The following CADPS variants were observed in gnomAD, a reference collection of about 807,000 sequenced individuals.
The protein encoded by CADPS is calcium-dependent secretion activator 1.
Under a neutral mutation model 167.3 loss-of-function variants are expected in CADPS, and 57 were observed. The observed-to-expected ratio is 0.34, with a 90% confidence interval of 0.28 to 0.42. The LOEUF (loss-of-function observed/expected upper bound fraction) is 0.42. Among genes scored for constraint, CADPS ranks in the 20% least tolerant of loss-of-function variants. CADPS has a pLI of 1.00. For missense variants in CADPS, 1,414 were observed against 1,738.1 expected (o/e 0.81, Z 3.32); for synonymous variants, 676 against 635.3 (o/e 1.06, Z -0.96).
At chr3:62,859,974 C>T (rs1204705770) in intron 1 of CADPS, among the ~76,000 whole-genome samples, 1 of 152,120 alleles carries the variant, frequency 6.6e-6, no homozygotes, top group Non-Finnish European at 1.5e-5. Flanking sequence ...TGGAGCTACT[C>T]AGAGGTACAG....
chr3:62,405,875 G>A (rs962791528), intron 28 of CADPS, among the ~76,000 whole-genome samples: 2 of 152,336 alleles, frequency 1.3e-5, no homozygotes, highest in African/African-American at 4.8e-5. Context: ...TTCCAGAAAG[G>A]CGCTTCAAGG....
At chr3:62,689,888 A>C (rs1372714193) in intron 3 of CADPS, among the ~76,000 whole-genome samples, 1 of 152,026 alleles carries the variant, frequency 6.6e-6, no homozygotes, top group African/African-American at 2.4e-5. Flanking sequence ...GCGTTCTAGC[A>C]GGAGAAAACA....
rs936934298 is a variant in CADPS at position 62,506,791 on chromosome 3, C to A, written c.2599+5960G>T. On this transcript the variant is annotated intron_variant, in intron 17 of 29. Coordinates refer to ENST00000383710, the MANE Select transcript of CADPS (RefSeq NM_003716.4). ...GGGTTAGCATGTGACCCAAGCTGGG[C>A]CACTGTGGCCCTTCTCTGGAATTGT... is the stretch of plus-strand genomic sequence containing the variant. Among the ~76,000 whole-genome samples, 4 of 152,182 alleles carry A rather than the reference C, an allele frequency of 2.6e-5. No individual in the cohort carries two copies. The South Asian group carries it at 8.3e-4, about 32-fold the overall frequency.
At chr3:62,660,386 A>C (rs2072899312) in intron 4 of CADPS, among the ~76,000 whole-genome samples, 1 of 152,206 alleles carries the variant, frequency 6.6e-6, no homozygotes, top group African/African-American at 2.4e-5. Context: ...AAGCTTTATT[A>C]ATGTTTACTG....
Position 62,645,890 on chromosome 3 carries a change from G to A in CADPS, c.1204-47C>T, listed in dbSNP as rs1323991018. 5 of 1,607,948 alleles carry A rather than the reference G, an allele frequency of 3.1e-6. No individual in the cohort carries two copies. In the Admixed American group the frequency reaches 6.7e-5, roughly 22 times the overall value. ...ATGGAGGTTATTGGCAAGGCCCCTG[G>A]CAGCATCGCCCAGAGGAAAATACAC... On this transcript the variant is annotated intron_variant, in intron 5 of 29. Transcript: ENST00000383710.
intron 3 of CADPS, among the ~76,000 whole-genome samples, chr3:62,687,928 C>T (rs933338750): frequency 4.0e-5 from 6 of 151,884 alleles, no homozygotes; most frequent in Non-Finnish European, 8.8e-5. Context: ...AATTGAGACC[C>T]AGAAAGGTAA....
chr3:62,423,213 G>A (rs2051849691), intron 28 of CADPS, among the ~76,000 whole-genome samples: 1 of 152,228 alleles, frequency 6.6e-6, no homozygotes. Flanking sequence ...ACCAGGGTCT[G>A]CTGGTATTCA....
At chr3:62,575,809 C>G (rs555500646) in intron 8 of CADPS, among the ~76,000 whole-genome samples, 6 of 152,170 alleles carry the variant, frequency 3.9e-5, no homozygotes, top group African/African-American at 1.4e-4. Context: ...TAAAGGCTTC[C>G]GAATGGGAAA....
intron 3 of CADPS, among the ~76,000 whole-genome samples, chr3:62,672,608 C>A (rs771361759): frequency 6.6e-6 from 1 of 152,134 alleles, no homozygotes; most frequent in African/African-American, 2.4e-5. Flanking sequence ...AATGTGAATT[C>A]TCTTTCCTCT....
Position 62,512,761 on chromosome 3 carries a change from T to G in CADPS, c.2589A>C (p.Gln863His), listed in dbSNP as rs375222372. Reference protein sequence around the residue: ...LSEYAKIEENQKDAENVGRLI... With the variant: ...LSEYAKIEENHKDAENVGRLI... Reference sequence around the variant, plus strand: ...ATACAATTGGTTCACCTGCATCCTTTTGATTCTCTATTTGAAAGAGAGAGC... The same window carrying G: ...ATACAATTGGTTCACCTGCATCCTTGTGATTCTCTATTTGAAAGAGAGAGC... The change falls in exon 17 of 30, where the codon CAA (glutamine) becomes CAC (histidine). Residue 863 changes from glutamine to histidine, a missense_variant. Transcript: ENST00000383710. 1.4e-5 allele frequency: 22 copies of G among 1,604,930 alleles called. No individual in the cohort carries two copies. The Admixed American group carries it at 3.7e-4, about 27-fold the overall frequency.
chr3:62,838,727 C>G (rs1282123412), intron 1 of CADPS, among the ~76,000 whole-genome samples: 1 of 152,014 alleles, frequency 6.6e-6, no homozygotes, highest in East Asian at 1.9e-4. Flanking sequence ...AGAAAAGTAC[C>G]TGAGATATAG....
chr3:62,670,641 C>G (rs2075343539), intron 3 of CADPS, among the ~76,000 whole-genome samples: 1 of 151,842 alleles, frequency 6.6e-6, no homozygotes. Context: ...CCCAAGAGCT[C>G]CAAATGCAGC....
chr3:62,426,445 G>A (rs1490826155), intron 28 of CADPS, among the ~76,000 whole-genome samples: 3 of 152,102 alleles, frequency 2.0e-5, no homozygotes, highest in African/African-American at 7.2e-5. Context: ...CACCGCGCCC[G>A]GCCGTGTGTT....
At chr3:62,772,950 A>G (rs1380038342) in intron 1 of CADPS, among the ~76,000 whole-genome samples, 1 of 152,198 alleles carries the variant, frequency 6.6e-6, no homozygotes, top group Non-Finnish European at 1.5e-5. Context: ...AGCATTGTAT[A>G]TTGCAATTTT....
intron 3 of CADPS, among the ~76,000 whole-genome samples, chr3:62,667,931 C>A (rs948719812): frequency 6.6e-6 from 1 of 152,116 alleles, no homozygotes; most frequent in Admixed American, 6.5e-5. Flanking sequence ...GGGCCTGGAG[C>A]CTCCTTATTA....
At chr3:62,646,599 G>A (rs575786711) in intron 5 of CADPS, among the ~76,000 whole-genome samples, 1 of 152,208 alleles carries the variant, frequency 6.6e-6, no homozygotes, top group Non-Finnish European at 1.5e-5. Flanking sequence ...TAAAGGGCAA[G>A]TACTATTCAG....
chr3:62,405,043 C>T (rs1023844505), intron 28 of CADPS, among the ~76,000 whole-genome samples: 1 of 150,562 alleles, frequency 6.6e-6, no homozygotes, highest in Non-Finnish European at 1.5e-5. Context: ...GGTATTCTGG[C>T]AGCCCTACCT....
At position 62,687,734 on chromosome 3, in the gene CADPS, A is replaced by ATTTTTTTTTTTTTTTTTTTTTTTTTTTT. The variant is rs201429638; in HGVS notation, c.889-25341_889-25340insAAAAAAAAAAAAAAAAAAAAAAAAAAAA. On this transcript the variant is annotated intron_variant, in intron 3 of 29. Coordinates refer to ENST00000383710, the MANE Select transcript of CADPS (RefSeq NM_003716.4). ...TTGCTACTTCCGGGGTTCCCTTCGC[A>ATTTTTTTTTTTTTTTTTTTTTTTTTTTT]TTTTTTTTTTTTTTTTTTGCTTCTA... Among the ~76,000 whole-genome samples, 2 of 128,336 alleles carry ATTTTTTTTTTTTTTTTTTTTTTTTTTTT rather than the reference A, an allele frequency of 1.6e-5. 1 individual carries two copies. Among genetic ancestry groups the ATTTTTTTTTTTTTTTTTTTTTTTTTTTT allele is most frequent in the Non-Finnish European group, 3.2e-5 (2 of 61,718 alleles). 84.2% of individuals were successfully genotyped at this position (128,336 alleles called of 152,430 possible). A position where few individuals can be genotyped will look rare whatever the true frequency, so the allele number is the denominator to read the frequency against.
intron 28 of CADPS, among the ~76,000 whole-genome samples, chr3:62,429,334 C>T (rs557595252): frequency 9.9e-5 from 15 of 152,272 alleles, no homozygotes; most frequent in Admixed American, 7.9e-4. Context: ...CTCTTACAAA[C>T]TTCCAGATGA....
Sources: gnomAD v4.1 joint callset for allele counts (sites outside exome capture counted in the v4.1 genomes callset) on GRCh38, gnomAD v4.1.1 for gene constraint, MANE v1.5 for transcripts, NCBI Gene and HGNC (gene_info 2026-07-23, HGNC 2026-07-21) for gene names.